The following NT5C2 variants were observed in gnomAD, a reference collection of about 807,000 sequenced individuals.
NT5C2 encodes the protein cytosolic purine 5'-nucleotidase.
A neutral mutation model predicts 76.1 loss-of-function variants in NT5C2; 58 were observed. The observed-to-expected ratio is 0.76, with a 90% CI of 0.62 to 0.95. The LOEUF (loss-of-function observed/expected upper bound fraction) is 0.95, where lower values mean the gene tolerates loss of function less well. Ranked by LOEUF, NT5C2 falls within the 40% of genes least tolerant of loss-of-function variation. The pLI, the probability that NT5C2 is intolerant of heterozygous loss-of-function variation, is 0.00. For missense variants in NT5C2, 478 were observed against 690.3 expected (o/e 0.69, Z 3.45); for synonymous variants, 229 against 237.4 (o/e 0.96, Z 0.32).
intron 3 of NT5C2, among the ~76,000 whole-genome samples, chr10:103,156,640 A>AAG (rs1483888114): frequency 6.6e-6 from 1 of 151,984 alleles, no homozygotes; most frequent in Non-Finnish European, 1.5e-5. Context: ...CTGTAATCCC[A>AAG]GCTACTCGGG....
chr10:103,152,052 C>T (rs1484241013), intron 3 of NT5C2, among the ~76,000 whole-genome samples: 1 of 152,148 alleles, frequency 6.6e-6, no homozygotes, highest in African/African-American at 2.4e-5. Flanking sequence ...CTAACTACTT[C>T]CAAGAACTTT....
chr10:103,161,899 GACT>G (rs1337938709), intron 3 of NT5C2, among the ~76,000 whole-genome samples: 2 of 152,134 alleles, frequency 1.3e-5, no homozygotes, highest in Non-Finnish European at 2.9e-5. Flanking sequence ...ACGTGGAGTG[GACT>G]ACTAATGAGT....
Position 103,089,737 on chromosome 10 carries a change from G to T in NT5C2, c.1621C>A (p.Pro541Thr). Residue 541 changes from proline to threonine, a missense_variant, in exon 19 of 19, where the codon CCC becomes ACC. Transcript: ENST00000404739. ...TCATGGCAGTGTGTAATTTCCTGGG[G>T]GGCCAGTGGGAAGAGGTTGGGAGGT... is the stretch of plus-strand genomic sequence containing the variant. ...IKPPNLFPLA[P>T]QEITHCHDED... is the part of the protein sequence containing the mutation. 6.2e-7 allele frequency: 1 copy of T among 1,613,692 alleles called. No homozygotes were observed. The highest frequency in any genetic ancestry group is 8.5e-7 in the Non-Finnish European group (1 of 1,179,894).
intron 6 of NT5C2, chr10:103,105,501 A>C: frequency 3.7e-6 from 2 of 535,052 alleles, no homozygotes; most frequent in Non-Finnish European, 6.4e-6. Flanking sequence ...GAAGGCACTT[A>C]ATTTAAACAA....
intron 4 of NT5C2, chr10:103,125,221 C>T: frequency 2.6e-6 from 2 of 770,138 alleles, no homozygotes; most frequent in Non-Finnish European, 4.4e-6. Flanking sequence ...CTGTGAGGTT[C>T]ACTACAATTT....
intron 1 of NT5C2, among the ~76,000 whole-genome samples, chr10:103,182,017 A>AG (rs980378995): frequency 6.6e-6 from 1 of 152,086 alleles, no homozygotes; most frequent in East Asian, 1.9e-4. Context: ...CTCAAAAAAA[A>AG]AAAAAAGAAA....
chr10:103,138,723 A>G (rs939031392), intron 4 of NT5C2, among the ~76,000 whole-genome samples: 3 of 152,250 alleles, frequency 2.0e-5, no homozygotes, highest in Non-Finnish European at 4.4e-5. Flanking sequence ...AGAATAACAT[A>G]CTGTCCGGGT....
chr10:103,160,788 G>A (rs996150530), intron 3 of NT5C2, among the ~76,000 whole-genome samples: 1 of 152,190 alleles, frequency 6.6e-6, no homozygotes. Context: ...GCCGAGGCAG[G>A]CAGATCACGA....
Position 103,090,507 on chromosome 10 carries a change from A to C in NT5C2, c.1449+104T>G. The stretch of plus-strand genomic sequence containing the variant: ...TATAACCTGCCCCTGGGCTCTGTAC[A>C]TCAGAAAGAAATGTTCAAACTATCT... On this transcript the variant is annotated intron_variant, in intron 18 of 18. Coordinates refer to ENST00000404739, the MANE Select transcript of NT5C2 (RefSeq NM_001351169.2). 3.8e-6 allele frequency: 4 copies of C among 1,058,364 alleles called. No homozygotes were observed. In the South Asian group the frequency reaches 6.5e-5, roughly 17 times the overall value. 65.6% of individuals were successfully genotyped at this position (1,058,364 alleles called of 1,614,324 possible).
intron 16 of NT5C2, 28 bp from the exon 17 acceptor site, chr10:103,091,024 A>G: frequency 6.3e-7 from 1 of 1,598,526 alleles, no homozygotes; most frequent in South Asian, 1.1e-5. Context: ...ACTCAGTGAA[A>G]ATCTCTGGGA....
At chr10:103,185,568 A>G (rs532316913) in intron 1 of NT5C2, among the ~76,000 whole-genome samples, 2 of 149,724 alleles carry the variant, frequency 1.3e-5, no homozygotes, top group Non-Finnish European at 3.0e-5. Flanking sequence ...AGATTGCTTG[A>G]GCCGGGAAGG....
chr10:103,132,841 C>T lies in NT5C2; in HGVS notation c.175+6565G>A, dbSNP rs190044773. ...TTGGGATTATAGGCGTGAGCCACCG[C>T]GCCTGGCCGCGGTCTAAAGTAATTA... On this transcript the variant is annotated intron_variant, in intron 4 of 18. Transcript: ENST00000404739. Among the ~76,000 whole-genome samples, 505 of 152,004 alleles carry T rather than the reference C, an allele frequency of 3.3e-3. 2 individuals are homozygous for T. Among genetic ancestry groups the T allele is most frequent in the Middle Eastern group, 0.01 (3 of 294 alleles).
intron 3 of NT5C2, chr10:103,146,360 A>T (rs138973828): frequency 1.0e-6 from 1 of 985,322 alleles, no homozygotes; most frequent in Admixed American, 6.1e-5. Context: ...CCAAGTGCCC[A>T]ATGACAGTTA....
At chr10:103,155,553 G>A (rs2148198) in intron 3 of NT5C2, among the ~76,000 whole-genome samples, 47,934 of 151,966 alleles carry the variant, frequency 0.32, 7,652 homozygotes, top group Middle Eastern at 0.36. Context: ...GAGGAACCAT[G>A]AACAAAAAGC....
At chr10:103,134,264 G>A (rs879302349) in intron 4 of NT5C2, among the ~76,000 whole-genome samples, 12 of 152,120 alleles carry the variant, frequency 7.9e-5, no homozygotes, top group Non-Finnish European at 1.5e-4. Context: ...TTCCACCACA[G>A]GCCAGGAGGC....
Position 103,105,340 on chromosome 10 carries a change from G to C in NT5C2, c.389+366C>G, listed in dbSNP as rs112602150. On this transcript the variant is annotated intron_variant, in intron 6 of 18. Coordinates refer to ENST00000404739, the MANE Select transcript of NT5C2 (RefSeq NM_001351169.2). Reference sequence around the variant, plus strand: ...TGCTATAGTTTAAAATTTTTTCAAAGCATTTTTATATACATACCTCTTCTG... The same window carrying C: ...TGCTATAGTTTAAAATTTTTTCAAACCATTTTTATATACATACCTCTTCTG... 49 of 821,406 alleles carry C rather than the reference G, an allele frequency of 6.0e-5. No homozygotes were observed. The African/African-American group carries it at 8.8e-4, about 15-fold the overall frequency. The allele number at this position is 821,406 out of a possible 1,614,324, so 50.9% of individuals were successfully genotyped here. A position where few individuals can be genotyped will look rare whatever the true frequency, so the allele number is the denominator to read the frequency against.
intron 17 of NT5C2, 27 bp downstream of exon 17, chr10:103,090,899 TATTTCCCAAG>T: frequency 1.2e-6 from 2 of 1,608,164 alleles, no homozygotes; most frequent in Non-Finnish European, 1.7e-6. Flanking sequence ...CATTTAAACT[TATTTCCCAAG>T]TTTTCTCCCA....
intron 1 of NT5C2, among the ~76,000 whole-genome samples, chr10:103,186,317 T>C (rs180825315): frequency 1.8e-3 from 274 of 152,346 alleles, no homozygotes; most frequent in Non-Finnish European, 2.9e-3. Context: ...CTGTTTATAA[T>C]GCTTGAGTGC....
intron 4 of NT5C2, among the ~76,000 whole-genome samples, chr10:103,129,590 C>G (rs1383642798): frequency 1.8e-5 from 2 of 111,776 alleles, no homozygotes; most frequent in African/African-American, 3.2e-5. Context: ...GTCAGCCCCC[C>G]GCCCGGCCAG....
Sources: gnomAD v4.1 joint callset for allele counts (sites outside exome capture counted in the v4.1 genomes callset) on GRCh38, gnomAD v4.1.1 for gene constraint, MANE v1.5 for transcripts, NCBI Gene and HGNC (gene_info 2026-07-23, HGNC 2026-07-21) for gene names.